The following VPS13B variants were observed in gnomAD, a reference collection of about 807,000 sequenced individuals.
The protein encoded by VPS13B is vacuolar protein sorting 13 homolog B.
A neutral mutation model predicts 426.4 loss-of-function variants in VPS13B; 285 were observed. The observed-to-expected ratio is 0.67, with a 90% CI of 0.61 to 0.74. The LOEUF (loss-of-function observed/expected upper bound fraction) is 0.74. VPS13B is among the 30% of genes least tolerant of loss of function. The pLI is 0.00. For missense variants in VPS13B, 4,537 were observed against 4,782.6 expected (o/e 0.95, Z 1.51); for synonymous variants, 1,676 against 1,676.4 (o/e 1.00, Z 0.01).
chr8:99,763,162 AAAAG>A (rs1811031866), intron 39 of VPS13B, among the ~76,000 whole-genome samples: 1 of 145,606 alleles, frequency 6.9e-6, no homozygotes, highest in Non-Finnish European at 1.5e-5. Flanking sequence ...AAAAAAAAAA[AAAAG>A]AAGAGAAAAA....
intron 3 of VPS13B, among the ~76,000 whole-genome samples, chr8:99,053,774 T>G (rs1843688713): frequency 6.6e-6 from 1 of 151,614 alleles, no homozygotes; most frequent in Non-Finnish European, 1.5e-5. Flanking sequence ...ACAGTTCCAG[T>G]TCACTTCAAC....
At chr8:99,681,118 G>T (rs910390806) in intron 35 of VPS13B, among the ~76,000 whole-genome samples, 3 of 151,986 alleles carry the variant, frequency 2.0e-5, no homozygotes, top group Admixed American at 6.6e-5. Flanking sequence ...CAAAAAACTG[G>T]CTAGATCAAG....
chr8:99,045,971 A>G (rs1843224546), intron 3 of VPS13B, among the ~76,000 whole-genome samples: 2 of 152,146 alleles, frequency 1.3e-5, no homozygotes, highest in Admixed American at 6.5e-5. Context: ...GCTTGAAATC[A>G]GGTAATGTGA....
chr8:99,372,494 G>A (rs540877018), intron 19 of VPS13B, among the ~76,000 whole-genome samples: 1 of 152,292 alleles, frequency 6.6e-6, no homozygotes, highest in South Asian at 2.1e-4. Flanking sequence ...CCATCAAAAA[G>A]TGGGTGAGGG....
chr8:99,478,725 A>G (rs899524401), intron 24 of VPS13B, among the ~76,000 whole-genome samples: 1 of 151,798 alleles, frequency 6.6e-6, no homozygotes, highest in South Asian at 2.1e-4. Context: ...CTGGGATTAC[A>G]GGCATGAGCC....
chr8:99,100,598 T>G (rs1470002068), intron 4 of VPS13B, among the ~76,000 whole-genome samples: 1 of 152,110 alleles, frequency 6.6e-6, no homozygotes, highest in Admixed American at 6.5e-5. Flanking sequence ...CCAGAAAATA[T>G]TTTTAAAAAG....
At chr8:99,620,820 AAT>A (rs1276582155) in intron 33 of VPS13B, among the ~76,000 whole-genome samples, 6 of 151,520 alleles carry the variant, frequency 4.0e-5, no homozygotes, top group African/African-American at 1.5e-4. Context: ...AAAAAAAAAA[AAT>A]ATACAAAATA....
chr8:99,310,355 C>T (rs1820887398), intron 19 of VPS13B, among the ~76,000 whole-genome samples: 1 of 152,102 alleles, frequency 6.6e-6, no homozygotes, highest in African/African-American at 2.4e-5. Flanking sequence ...GAGATACGTC[C>T]CATCAATACC....
intron 43 of VPS13B, chr8:99,799,203 T>TA (rs1813006584): frequency 6.6e-6 from 1 of 152,234 alleles, no homozygotes; most frequent in South Asian, 2.1e-4. Flanking sequence ...ACTTCATAGT[T>TA]ATAAAATTAT....
intron 52 of VPS13B, among the ~76,000 whole-genome samples, chr8:99,832,986 A>C (rs551571003): frequency 5.9e-5 from 9 of 152,362 alleles, no homozygotes; most frequent in African/African-American, 2.2e-4. Context: ...TGAAAAAATT[A>C]CCTGTTATGA....
chr8:99,284,234 T>G (rs1287633872), intron 19 of VPS13B, among the ~76,000 whole-genome samples: 1 of 152,188 alleles, frequency 6.6e-6, no homozygotes, highest in African/African-American at 2.4e-5. Flanking sequence ...TGAAATTACT[T>G]TGTGTTAGTT....
At chr8:99,412,567 TC>T (rs1815741570) in intron 21 of VPS13B, among the ~76,000 whole-genome samples, 1 of 152,190 alleles carries the variant, frequency 6.6e-6, no homozygotes, top group South Asian at 2.1e-4. Flanking sequence ...TTTATTTCTT[TC>T]TCATGCCTGA....
chr8:99,593,905 G>T (rs1826831248), intron 33 of VPS13B, among the ~76,000 whole-genome samples: 1 of 151,902 alleles, frequency 6.6e-6, no homozygotes, highest in Non-Finnish European at 1.5e-5. Context: ...TGAGGTCCAT[G>T]GGTGGAGGGG....
intron 35 of VPS13B, among the ~76,000 whole-genome samples, chr8:99,684,038 A>G (rs954624975): frequency 3.9e-5 from 6 of 152,192 alleles, no homozygotes; most frequent in African/African-American, 1.4e-4. Context: ...GTTATTATAA[A>G]TGGATATTGA....
intron 19 of VPS13B, among the ~76,000 whole-genome samples, chr8:99,317,663 G>A (rs1233332384): frequency 2.0e-5 from 3 of 151,938 alleles, no homozygotes; most frequent in Non-Finnish European, 4.4e-5. Context: ...ATGCTGTATG[G>A]ATGTGTATGT....
chr8:99,504,184 C>T (rs1160473976), intron 27 of VPS13B, among the ~76,000 whole-genome samples: 1 of 152,134 alleles, frequency 6.6e-6, no homozygotes, highest in African/African-American at 2.4e-5. Flanking sequence ...TCTCCCTGCT[C>T]TCTCTTGCTT....
rs193123040 is a variant in VPS13B, at chr8:99,100,847, C to T, written c.413-2106C>T. On this transcript the variant is annotated intron_variant, in intron 4 of 61. Coordinates refer to ENST00000357162, the MANE Select transcript of VPS13B (RefSeq NM_152564.5). The stretch of plus-strand genomic sequence containing the variant: ...CACGAGGTCAGGAGTTCGAGACCAG[C>T]CTGACCAACATGGTGAAACCCCATC... 6.3e-3 allele frequency among the ~76,000 whole-genome samples: 957 copies of T among 151,882 alleles called. 8 individuals carry two copies. Among genetic ancestry groups the T allele is most frequent in the African/African-American group, 0.022 (898 of 41,442 alleles).
intron 19 of VPS13B, among the ~76,000 whole-genome samples, chr8:99,289,535 G>A (rs1415451961): frequency 6.6e-6 from 1 of 152,104 alleles, no homozygotes; most frequent in Non-Finnish European, 1.5e-5. Flanking sequence ...AGCTGGATGA[G>A]TTGACAGAGA....
chr8:99,573,314 T>C (rs1471969834), intron 31 of VPS13B, among the ~76,000 whole-genome samples: 4 of 152,226 alleles, frequency 2.6e-5, no homozygotes, highest in Admixed American at 6.5e-5. Context: ...TTAGATCCCA[T>C]TTGTCAATTT....
Sources: allele counts gnomAD v4.1 joint callset (sites outside exome capture counted in the v4.1 genomes callset), GRCh38; gene constraint gnomAD v4.1.1; transcripts MANE v1.5; gene names NCBI Gene and HGNC (gene_info 2026-07-23, HGNC 2026-07-21).